Variants in SESTD1 observed in about 807,000 individuals in gnomAD.
SESTD1 encodes SEC14 domain and spectrin repeat-containing protein 1.
In SESTD1, 43 loss-of-function variants were observed where a neutral mutation model predicts 101.7. The observed-to-expected ratio is 0.42, with a 90% CI of 0.33 to 0.55. The LOEUF (loss-of-function observed/expected upper bound fraction) is 0.55. Ranked by LOEUF, SESTD1 falls within the 20% of genes least tolerant of loss-of-function variation. The pLI is 0.07. For synonymous variants in SESTD1, 283 were observed against 286.8 expected, an observed-to-expected ratio of 0.99 and a Z score of 0.13; for missense variants, 647 against 815.1, an observed-to-expected ratio of 0.79 and a Z score of 2.51.
intron 1 of SESTD1, among the ~76,000 whole-genome samples, chr2:179,230,333 G>A (rs1159378806): frequency 6.6e-6 from 1 of 151,262 alleles, no homozygotes; most frequent in African/African-American, 2.4e-5. Flanking sequence ...AATGAGTTTT[G>A]TCATGTTGCC....
Position 179,212,884 on chromosome 2 carries a change from A to G in SESTD1, c.-25-21018T>C, listed in dbSNP as rs555343123. Among the ~76,000 whole-genome samples the G allele has an allele frequency of 5.6e-4, 76 of 135,056 alleles. 13 individuals carry two copies. The highest frequency in any genetic ancestry group is 9.9e-4 in the Non-Finnish European group (62 of 62,752). 88.6% of individuals were successfully genotyped at this position (135,056 alleles called of 152,430 possible). A position where few individuals can be genotyped will look rare whatever the true frequency, so the allele number is the denominator to read the frequency against. Reference sequence around the variant, plus strand: ...TGGAGTGGACCTCCAGCAAACTCCAACAGACCTGCAGCTGAGGGACCTGAC... The same window carrying G: ...TGGAGTGGACCTCCAGCAAACTCCAGCAGACCTGCAGCTGAGGGACCTGAC... On this transcript the variant is annotated intron_variant, in intron 1 of 17. Coordinates refer to ENST00000428443, the MANE Select transcript of SESTD1 (RefSeq NM_178123.5).
At chr2:179,132,480 T>C (rs2045034405) in intron 9 of SESTD1, 54 bp from the exon 10 acceptor site, 1 of 1,526,534 alleles carries the variant, frequency 6.6e-7, no homozygotes, top group Non-Finnish European at 8.7e-7. Flanking sequence ...CTTTTCAAAC[T>C]TTCATTCTAA....
Position 179,115,253 on chromosome 2 carries a change from T to C in SESTD1, c.1651A>G (p.Thr551Ala). 6.4e-7 allele frequency: 1 copy of C among 1,571,508 alleles called. No individual in the cohort carries two copies. Among genetic ancestry groups the C allele is most frequent in the Non-Finnish European group, 8.6e-7 (1 of 1,165,480 alleles). The change falls in exon 16 of 18, where the codon ACT becomes GCT. Residue 551 changes from threonine to alanine, a missense_variant. By Grantham distance (58) the Thr-to-Ala change is moderately conservative. Around this residue, in one of 3 missense-constraint regions of SESTD1, gnomAD observed 476 missense variants for 562.6 expected, o/e 0.85. Transcript: ENST00000428443. ...HRKFVDVAQS[T>A]YDYGRQLLQA... ...AGCAACTGCCTGCCATAGTCATAAGTGCTCTAAAAAAGAAAAGGAAACATA... is the reference window on the plus strand; with the variant it reads ...AGCAACTGCCTGCCATAGTCATAAGCGCTCTAAAAAAGAAAAGGAAACATA...
intron 1 of SESTD1, among the ~76,000 whole-genome samples, chr2:179,225,039 G>C (rs1372147866): frequency 3.9e-5 from 6 of 152,192 alleles, no homozygotes; most frequent in Non-Finnish European, 7.3e-5. Context: ...CCTGGGGCTT[G>C]CAATCAGTAT....
At chr2:179,196,499 G>T (rs927338541) in intron 1 of SESTD1, among the ~76,000 whole-genome samples, 1 of 152,230 alleles carries the variant, frequency 6.6e-6, no homozygotes, top group Non-Finnish European at 1.5e-5. Context: ...CCACATCTTG[G>T]GGGCAGAGCA....
In SESTD1 at chr2:179,212,832, G is replaced by A. The variant is rs1379146856; in HGVS notation, c.-25-20966C>T. On this transcript the variant is annotated intron_variant, in intron 1 of 17. Transcript: ENST00000428443. ...CAATATTTGCTGTTCTGCAGCCTCC[G>A]CTGGTGATACCCAGGCAAACAGGGT... Among the ~76,000 whole-genome samples, 6 of 134,888 alleles carry A rather than the reference G, an allele frequency of 4.4e-5. 2 individuals carry two copies. Among genetic ancestry groups the A allele is most frequent in the African/African-American group, 1.5e-4 (5 of 34,102 alleles). 88.5% of individuals were successfully genotyped at this position (134,888 alleles called of 152,430 possible).
At chr2:179,169,107 T>A (rs972603650) in intron 5 of SESTD1, among the ~76,000 whole-genome samples, 20 of 152,080 alleles carry the variant, frequency 1.3e-4, no homozygotes, top group African/African-American at 4.8e-4. Context: ...TTATAAACTA[T>A]ATCAATAATT....
chr2:179,170,700 G>C (rs1289498254), intron 5 of SESTD1, among the ~76,000 whole-genome samples: 2 of 152,152 alleles, frequency 1.3e-5, no homozygotes, highest in African/African-American at 4.8e-5. Context: ...AAAAGACCAA[G>C]GCATAATTAG....
rs772859282 is a variant in SESTD1 at position 179,143,581 on chromosome 2, C to T, written c.849+11G>A. On this transcript the variant is annotated intron_variant, in intron 9 of 17. Transcript: ENST00000428443. ...TAAAAAGAGTTAAATATATTCAAAT[C>T]AGACACCTACCTGCATTACCTTCTG... is the stretch of plus-strand genomic sequence containing the variant. 16 of 1,611,888 alleles carry T rather than the reference C, an allele frequency of 9.9e-6. No individual in the cohort carries two copies. Among genetic ancestry groups the T allele is most frequent in the Non-Finnish European group, 1.4e-5 (16 of 1,178,356 alleles).
intron 1 of SESTD1, among the ~76,000 whole-genome samples, chr2:179,225,151 C>A (rs2046866559): frequency 1.3e-5 from 2 of 152,036 alleles, no homozygotes; most frequent in Non-Finnish European, 2.9e-5. Flanking sequence ...TACAGGATAC[C>A]CAGTTGGTGT....
At chr2:179,246,640 A>G (rs146171935) in intron 1 of SESTD1, among the ~76,000 whole-genome samples, 1 of 152,310 alleles carries the variant, frequency 6.6e-6, no homozygotes, top group African/African-American at 2.4e-5. Context: ...GGAGAATATA[A>G]ATTTCTCCCC....
chr2:179,172,805 GAATT>G (rs1284618039), intron 4 of SESTD1, among the ~76,000 whole-genome samples: 1 of 152,070 alleles, frequency 6.6e-6, no homozygotes, highest in Non-Finnish European at 1.5e-5. Flanking sequence ...AACATTTATG[GAATT>G]AATAAATATT....
chr2:179,197,616 A>G (rs1273683067), intron 1 of SESTD1, among the ~76,000 whole-genome samples: 1 of 152,258 alleles, frequency 6.6e-6, no homozygotes, highest in Non-Finnish European at 1.5e-5. Context: ...ATCTCTCTGC[A>G]GAAACTCTAC....
intron 1 of SESTD1, among the ~76,000 whole-genome samples, chr2:179,263,229 T>C (rs76649196): frequency 0.056 from 8,591 of 152,254 alleles, 308 homozygotes; most frequent in South Asian, 0.11. Context: ...TTCCTGGTCC[T>C]AGAACAAAGA....
At chr2:179,188,982 GC>G (rs2046278744) in intron 2 of SESTD1, among the ~76,000 whole-genome samples, 1 of 152,094 alleles carries the variant, frequency 6.6e-6, no homozygotes, top group Non-Finnish European at 1.5e-5. Context: ...TGGATTCACA[GC>G]CAAATTCTAC....
At chr2:179,141,759 G>A (rs1200605886) in intron 9 of SESTD1, among the ~76,000 whole-genome samples, 3 of 151,910 alleles carry the variant, frequency 2.0e-5, no homozygotes, top group Admixed American at 2.0e-4. Context: ...CAGATTATTT[G>A]GGTTCAGAAT....
At chr2:179,230,863 A>T (rs933192333) in intron 1 of SESTD1, among the ~76,000 whole-genome samples, 14 of 152,130 alleles carry the variant, frequency 9.2e-5, no homozygotes, top group Non-Finnish European at 1.8e-4. Flanking sequence ...TGACCTGTTA[A>T]AATCAATTCT....
At position 179,106,149 on chromosome 2, in the gene SESTD1, A is replaced by T. The variant is rs1276605895; in HGVS notation, c.*3750T>A. 6.6e-6 allele frequency: 1 copy of T among 152,160 alleles called. No individual in the cohort carries two copies. The highest frequency in any genetic ancestry group is 2.4e-5 in the African/African-American group (1 of 41,428). 9.4% of individuals were successfully genotyped at this position (152,160 alleles called of 1,614,324 possible). ...GTTCCAGCCATGTTTTTAATGCTAGAGAATTTTTCCTTTGGGGGCTTAAGC... is the reference window on the plus strand; with the variant it reads ...GTTCCAGCCATGTTTTTAATGCTAGTGAATTTTTCCTTTGGGGGCTTAAGC... On this transcript the variant is annotated 3_prime_UTR_variant, in exon 18 of 18. Transcript: ENST00000428443.
intron 1 of SESTD1, among the ~76,000 whole-genome samples, chr2:179,194,986 G>C (rs915252240): frequency 7.2e-5 from 11 of 152,160 alleles, no homozygotes; most frequent in Admixed American, 6.5e-4. Context: ...TTCAGTAATT[G>C]AGAACAGAAT....
Sources: gnomAD v4.1 joint callset for allele counts (sites outside exome capture counted in the v4.1 genomes callset) on GRCh38, gnomAD v4.1.1 for gene constraint, gnomAD v4.1.1 regional missense constraint, MANE v1.5 for transcripts, NCBI Gene and HGNC (gene_info 2026-07-23, HGNC 2026-07-21) for gene names.